Variants in ARF3 observed in about 807,000 individuals in gnomAD.
The protein encoded by ARF3 is ADP-ribosylation factor 3.
ARF3 carries 5 observed loss-of-function variants against 19.3 expected under a neutral mutation model. The observed-to-expected ratio is 0.26, with a 90% CI of 0.14 to 0.54. The LOEUF is 0.54. Among genes scored for constraint, ARF3 ranks in the 20% least tolerant of loss-of-function variants. The pLI is 0.95. For synonymous variants in ARF3, 71 were observed against 89.2 expected, an observed-to-expected ratio of 0.80 and a Z score of 1.15; for missense variants, 77 against 234.2, an observed-to-expected ratio of 0.33 and a Z score of 4.38.
intron 1 of ARF3, chr12:48,953,065 T>C (rs1486583727): frequency 3.3e-5 from 5 of 152,236 alleles, no homozygotes; most frequent in Non-Finnish European, 7.3e-5. Context: ...GCACAGACTA[T>C]GCCTTATTCA....
intron 1 of ARF3, chr12:48,941,489 C>T (rs71464944): frequency 0.019 from 2,965 of 159,530 alleles, 50 homozygotes; most frequent in Middle Eastern, 0.06. Flanking sequence ...TCTGAAGTCC[C>T]TTCAGTTCTG....
chr12:48,939,839 A>C lies in ARF3; in HGVS notation c.260-60T>G. The C allele has an allele frequency of 2.5e-6, 4 of 1,609,544 alleles. No individual in the cohort carries two copies. The highest frequency in any genetic ancestry group is 3.4e-6 in the Non-Finnish European group (4 of 1,176,756). On this transcript the variant is annotated intron_variant, in intron 3 of 4. Transcript: ENST00000256682. The surrounding 1 kb of genome is among the most constrained non-coding windows in gnomAD (Gnocchi z 4.8). ...CAGGTAACCCCCTCCCCCCAACCAA[A>C]AGACCACACCTGCCTGACACCCTCC... is the stretch of plus-strand genomic sequence containing the variant.
Position 48,939,571 on chromosome 12 carries a change from T to G in ARF3, c.384+84A>C, listed in dbSNP as rs957584724. 2.7e-5 allele frequency: 42 copies of G among 1,583,166 alleles called. No homozygotes were observed. In the South Asian group the frequency reaches 4.2e-4, roughly 16 times the overall value. On this transcript the variant is annotated intron_variant, in intron 4 of 4. Transcript: ENST00000256682. The surrounding 1 kb of genome is among the most constrained non-coding windows in gnomAD (Gnocchi z 4.8). ...TAACATTGAGAGCATACTAAAAGGG[T>G]TAACCATATAATAGGCCCAAGAGCC... is the stretch of plus-strand genomic sequence containing the variant.
chr12:48,938,510 G>A lies in ARF3; in HGVS notation c.*437C>T, dbSNP rs1007507207. 17 of 448,690 alleles carry A rather than the reference G, an allele frequency of 3.8e-5. No individual in the cohort carries two copies. Among genetic ancestry groups the A allele is most frequent in the African/African-American group, 8.1e-5 (4 of 49,380 alleles). The allele number at this position is 448,690 out of a possible 1,614,324, so 27.8% of individuals were successfully genotyped here. On this transcript the variant is annotated 3_prime_UTR_variant, in exon 5 of 5. Transcript: ENST00000256682. ...CATGCACGCAAACACAGAGAGGCCCGTGCAATTTCCATGTAAAACAGGGAG... is the reference window on the plus strand; with the variant it reads ...CATGCACGCAAACACAGAGAGGCCCATGCAATTTCCATGTAAAACAGGGAG...
At chr12:48,945,497 G>C (rs956567393) in intron 1 of ARF3, among the ~76,000 whole-genome samples, 1 of 151,888 alleles carries the variant, frequency 6.6e-6, no homozygotes, top group Admixed American at 6.6e-5. Flanking sequence ...GGAGGTGGAG[G>C]TTGCAGCGAG....
chr12:48,940,894 C>T, intron 2 of ARF3, 54 bp downstream of exon 2: 2 of 1,511,804 alleles, frequency 1.3e-6, no homozygotes, highest in South Asian at 1.3e-5. Flanking sequence ...GGAATAGGTC[C>T]CTGCCCTGCC....
chr12:48,956,805 C>G (rs1198863613), intron 1 of ARF3, among the ~76,000 whole-genome samples: 1 of 152,146 alleles, frequency 6.6e-6, no homozygotes, highest in Non-Finnish European at 1.5e-5. Context: ...GCCCTGTTGG[C>G]TAACCCCCAA....
chr12:48,944,736 C>T (rs2137583565), intron 1 of ARF3, among the ~76,000 whole-genome samples: 1 of 152,288 alleles, frequency 6.6e-6, no homozygotes, highest in African/African-American at 2.4e-5. Flanking sequence ...CAGCCATTTT[C>T]CACACATATT....
Position 48,939,148 on chromosome 12 carries a change from T to A in ARF3, c.385-40A>T. 1 of 1,593,724 alleles carries A rather than the reference T, an allele frequency of 6.3e-7. No individual in the cohort carries two copies. The highest frequency in any genetic ancestry group is 8.6e-7 in the Non-Finnish European group (1 of 1,167,412). On this transcript the variant is annotated intron_variant, in intron 4 of 4. Transcript: ENST00000256682. The surrounding 1 kb of genome is among the most constrained non-coding windows in gnomAD (Gnocchi z 4.8). ...AGACACATAAAAAGAAGCCTCAGGATTTTTTAAAGGCTTCTAGAACACCCA... is the reference window on the plus strand; with the variant it reads ...AGACACATAAAAAGAAGCCTCAGGAATTTTTAAAGGCTTCTAGAACACCCA...
chr12:48,938,843 GGGCCCT>G lies in ARF3; in HGVS notation c.*98_*103del, dbSNP rs960421493. ...GCTGGGCATGTGGACATGATACCCA[GGGCCCT>G]GGCCACACTTGCATGGAGAGGAAGG... On this transcript the variant is annotated 3_prime_UTR_variant, in exon 5 of 5. Coordinates refer to ENST00000256682, the MANE Select transcript of ARF3 (RefSeq NM_001659.3). 2.8e-6 allele frequency: 4 copies of G among 1,450,424 alleles called. No individual in the cohort carries two copies. The highest frequency in any genetic ancestry group is 1.4e-5 in the African/African-American group (1 of 71,154). The allele number at this position is 1,450,424 out of a possible 1,614,324, so 89.8% of individuals were successfully genotyped here. A position where few individuals can be genotyped will look rare whatever the true frequency, so the allele number is the denominator to read the frequency against.
chr12:48,940,168 C>T, intron 2 of ARF3, 61 bp from the exon 3 acceptor site: 1 of 1,388,498 alleles, frequency 7.2e-7, no homozygotes, highest in Non-Finnish European at 1.0e-6. Context: ...CAAACACCAC[C>T]ACAATGAGTT....
intron 1 of ARF3, among the ~76,000 whole-genome samples, chr12:48,948,203 T>A (rs1940394519): frequency 9.9e-6 from 1 of 101,388 alleles, no homozygotes; most frequent in Non-Finnish European, 2.2e-5. Flanking sequence ...AGAGAATATG[T>A]CTCAAAAAAA....
intron 1 of ARF3, chr12:48,955,669 A>G (rs1455187071): frequency 6.6e-6 from 1 of 152,162 alleles, no homozygotes; most frequent in Non-Finnish European, 1.5e-5. Flanking sequence ...ATCTATTTAC[A>G]TTCTAAATTC....
chr12:48,952,164 A>G (rs1204586825), intron 1 of ARF3, among the ~76,000 whole-genome samples: 1 of 152,198 alleles, frequency 6.6e-6, no homozygotes, highest in Non-Finnish European at 1.5e-5. Flanking sequence ...ATCTAGGCAA[A>G]GAACAATCCT....
chr12:48,939,568 G>A lies in ARF3; in HGVS notation c.384+87C>T, dbSNP rs1285007362. Reference sequence around the variant, plus strand: ...TTCTAACATTGAGAGCATACTAAAAGGGTTAACCATATAATAGGCCCAAGA... The same window carrying A: ...TTCTAACATTGAGAGCATACTAAAAAGGTTAACCATATAATAGGCCCAAGA... On this transcript the variant is annotated intron_variant, in intron 4 of 4. Coordinates refer to ENST00000256682, the MANE Select transcript of ARF3 (RefSeq NM_001659.3). The surrounding 1 kb of genome is among the most constrained non-coding windows in gnomAD (Gnocchi z 4.8). 1.3e-6 allele frequency: 2 copies of A among 1,574,492 alleles called. No homozygotes were observed. The highest frequency in any genetic ancestry group is 1.7e-6 in the Non-Finnish European group (2 of 1,151,100).
At chr12:48,952,942 C>A (rs1001669798) in intron 1 of ARF3, among the ~76,000 whole-genome samples, 1 of 152,228 alleles carries the variant, frequency 6.6e-6, no homozygotes. Flanking sequence ...GGGGTGGCTA[C>A]AGCCCTTGGG....
rs907733896 is a variant in ARF3 at position 48,947,563 on chromosome 12, C to G, written c.-93-6375G>C. On this transcript the variant is annotated intron_variant, in intron 1 of 4. Coordinates refer to ENST00000256682, the MANE Select transcript of ARF3 (RefSeq NM_001659.3). ...CCTTGTGATCTGCCCACCTCTGCCC[C>G]CCAAAGTGCTGGGATTACAGGCGTG... Among the ~76,000 whole-genome samples the G allele has an allele frequency of 9.9e-5, 15 of 152,282 alleles. No homozygotes were observed. The East Asian group carries it at 2.9e-3, about 29-fold the overall frequency.
rs1940219593 is a variant in ARF3, at chr12:48,939,836, C to G, written c.260-57G>C. 2 of 1,610,086 alleles carry G rather than the reference C, an allele frequency of 1.2e-6. No homozygotes were observed. The highest frequency in any genetic ancestry group is 1.7e-6 in the Non-Finnish European group (2 of 1,177,136). ...TGACAGGTAACCCCCTCCCCCCAAC[C>G]AAAAGACCACACCTGCCTGACACCC... is the stretch of plus-strand genomic sequence containing the variant. On this transcript the variant is annotated intron_variant, in intron 3 of 4. Coordinates refer to ENST00000256682, the MANE Select transcript of ARF3 (RefSeq NM_001659.3). The surrounding 1 kb of genome is among the most constrained non-coding windows in gnomAD (Gnocchi z 4.8).
chr12:48,945,998 T>C (rs1369392632), intron 1 of ARF3, among the ~76,000 whole-genome samples: 2 of 152,194 alleles, frequency 1.3e-5, no homozygotes, highest in African/African-American at 4.8e-5. Flanking sequence ...AGACGGGGTT[T>C]TGCCATGCTG....
Sources: allele counts gnomAD v4.1 joint callset (sites outside exome capture counted in the v4.1 genomes callset), GRCh38; gene constraint gnomAD v4.1.1; non-coding constraint Gnocchi (gnomAD v3.1); transcripts MANE v1.5; gene names NCBI Gene and HGNC (gene_info 2026-07-23, HGNC 2026-07-21).